The following ZBTB7C variants were observed in gnomAD, a reference collection of about 807,000 sequenced individuals.
ZBTB7C encodes the protein zinc finger and BTB domain-containing protein 7C.
In ZBTB7C, 8 loss-of-function variants were observed where a neutral mutation model predicts 25.7. The ratio of observed to expected loss-of-function variants is 0.31; its 90% CI spans 0.18 to 0.56. ZBTB7C has a LOEUF of 0.56. Ranked by LOEUF, ZBTB7C falls within the 20% of genes least tolerant of loss-of-function variation. The probability of loss-of-function intolerance (pLI) is 0.91; values close to 1 mark genes in which losing one functional copy is unlikely to be tolerated. For missense variants in ZBTB7C, 824 were observed against 855.2 expected, an observed-to-expected ratio of 0.96 and a Z score of 0.46; for synonymous variants, 394 against 369.0, an observed-to-expected ratio of 1.07 and a Z score of -0.78.
intron 3 of ZBTB7C, among the ~76,000 whole-genome samples, chr18:48,163,903 G>A (rs2041155557): frequency 1.3e-5 from 2 of 152,198 alleles, no homozygotes; most frequent in African/African-American, 4.8e-5. Flanking sequence ...AGCACTGTCT[G>A]GAGCTGGAGG....
upstream of ZBTB7C, among the ~76,000 whole-genome samples, chr18:48,412,362 G>T (rs372645471): frequency 5.9e-5 from 9 of 152,152 alleles, no homozygotes; most frequent in African/African-American, 2.2e-4. Flanking sequence ...TAGAACTTAC[G>T]GTTTCCATTG....
intron 2 of ZBTB7C, among the ~76,000 whole-genome samples, chr18:48,334,868 G>C (rs1454863898): frequency 6.6e-6 from 1 of 152,176 alleles, no homozygotes; most frequent in Non-Finnish European, 1.5e-5. Context: ...AAGGATCCCT[G>C]GGTTGGATCC....
At chr18:48,341,523 T>C (rs1033128204) in intron 1 of ZBTB7C, among the ~76,000 whole-genome samples, 1 of 152,246 alleles carries the variant, frequency 6.6e-6, no homozygotes, top group Non-Finnish European at 1.5e-5. Flanking sequence ...ATCAGCGAGA[T>C]AGGTCTTATT....
intron 2 of ZBTB7C, among the ~76,000 whole-genome samples, chr18:48,235,656 T>C (rs1304333745): frequency 6.6e-6 from 1 of 152,178 alleles, no homozygotes; most frequent in Non-Finnish European, 1.5e-5. Flanking sequence ...TCTCCTTTAG[T>C]GTGAACTCTC....
intron 4 of ZBTB7C, among the ~76,000 whole-genome samples, chr18:48,033,922 G>A (rs934282239): frequency 3.9e-5 from 6 of 152,138 alleles, no homozygotes; most frequent in African/African-American, 1.4e-4. Flanking sequence ...CTAAAATGCG[G>A]GTTGGGCTGC....
At chr18:48,256,645 AAAT>A (rs1391208579) in intron 2 of ZBTB7C, among the ~76,000 whole-genome samples, 3 of 151,952 alleles carry the variant, frequency 2.0e-5, no homozygotes, top group Admixed American at 6.6e-5. Context: ...AATTATACAA[AAAT>A]AATAATATAA....
chr18:48,297,795 C>T lies in ZBTB7C; in HGVS notation c.-79+40379G>A, dbSNP rs148674525. Among the ~76,000 whole-genome samples the T allele has an allele frequency of 4.2e-3, 636 of 152,294 alleles. 3 individuals carry two copies. The highest frequency in any genetic ancestry group is 0.014 in the African/African-American group (587 of 41,550). ...TTCATGAAGTCTCCTTCTGTTTACA[C>T]GCTCATTAAGAGGATAAAATGTTAC... is the stretch of plus-strand genomic sequence containing the variant. On this transcript the variant is annotated intron_variant, in intron 2 of 4. Coordinates refer to ENST00000590800, the MANE Select transcript of ZBTB7C (RefSeq NM_001318841.2).
chr18:48,250,413 A>C (rs1388832165), intron 2 of ZBTB7C, among the ~76,000 whole-genome samples: 1 of 152,172 alleles, frequency 6.6e-6, no homozygotes, highest in Non-Finnish European at 1.5e-5. Flanking sequence ...CCTACCTCAC[A>C]GCACTATGTG....
intron 3 of ZBTB7C, among the ~76,000 whole-genome samples, chr18:48,044,916 C>T (rs558456746): frequency 6.6e-6 from 1 of 152,354 alleles, no homozygotes; most frequent in South Asian, 2.1e-4. Flanking sequence ...GAAATGAAGC[C>T]ACTAAGAGCT....
At chr18:48,103,094 TATATTATATATTTTA>T (rs2038896681) in intron 3 of ZBTB7C, among the ~76,000 whole-genome samples, 1 of 73,852 alleles carries the variant, frequency 1.4e-5, no homozygotes, top group African/African-American at 7.4e-5. Flanking sequence ...ATATCTTATA[TATATTATATATTTTA>T]TATTATCTAT....
At chr18:48,192,954 A>G (rs2042231089) in intron 2 of ZBTB7C, among the ~76,000 whole-genome samples, 1 of 149,596 alleles carries the variant, frequency 6.7e-6, no homozygotes, top group African/African-American at 2.5e-5. Flanking sequence ...TAAATAATAA[A>G]GTTTCTTAAT....
chr18:48,081,830 T>A (rs549012736), intron 3 of ZBTB7C, among the ~76,000 whole-genome samples: 5 of 152,190 alleles, frequency 3.3e-5, no homozygotes, highest in South Asian at 4.1e-4. Context: ...TGAGATGAGC[T>A]GCAAGTGGAA....
chr18:48,382,936 G>A (rs948823438), intron 1 of ZBTB7C, among the ~76,000 whole-genome samples: 2 of 152,192 alleles, frequency 1.3e-5, no homozygotes, highest in Admixed American at 1.3e-4. Context: ...AAGTGTAAAA[G>A]TGACAGGCAA....
At chr18:48,303,911 A>G (rs1167737049) in intron 2 of ZBTB7C, among the ~76,000 whole-genome samples, 1 of 152,246 alleles carries the variant, frequency 6.6e-6, no homozygotes, top group African/African-American at 2.4e-5. Context: ...TGATAAGAGT[A>G]GCAAGGCTTT....
intron 2 of ZBTB7C, among the ~76,000 whole-genome samples, chr18:48,317,127 G>C (rs1390350763): frequency 6.6e-6 from 1 of 152,026 alleles, no homozygotes; most frequent in Non-Finnish European, 1.5e-5. Context: ...ACAAAAATCA[G>C]CCAGGTGTGA....
At chr18:48,080,167 T>C (rs934212221) in intron 3 of ZBTB7C, among the ~76,000 whole-genome samples, 2 of 152,194 alleles carry the variant, frequency 1.3e-5, no homozygotes, top group African/African-American at 4.8e-5. Flanking sequence ...TACAAGGGCT[T>C]CTGAGCCAGC....
intron 2 of ZBTB7C, among the ~76,000 whole-genome samples, chr18:48,301,635 T>A (rs1293524632): frequency 1.3e-5 from 2 of 152,120 alleles, no homozygotes; most frequent in Admixed American, 1.3e-4. Context: ...CTACGGGCAC[T>A]GGGAATATTT....
intron 2 of ZBTB7C, among the ~76,000 whole-genome samples, chr18:48,253,858 A>G (rs760076004): frequency 6.6e-6 from 1 of 152,220 alleles, no homozygotes; most frequent in Non-Finnish European, 1.5e-5. Context: ...GCTTTGACCT[A>G]CTTCCTTGTA....
chr18:48,110,720 G>A (rs1273580823), intron 3 of ZBTB7C, among the ~76,000 whole-genome samples: 1 of 152,110 alleles, frequency 6.6e-6, no homozygotes, highest in Non-Finnish European at 1.5e-5. Flanking sequence ...CAGACCTGAG[G>A]GCACCAGCAG....
Sources: allele counts gnomAD v4.1 joint callset (sites outside exome capture counted in the v4.1 genomes callset), GRCh38; gene constraint gnomAD v4.1.1; transcripts MANE v1.5; gene names NCBI Gene and HGNC (gene_info 2026-07-23, HGNC 2026-07-21).